ESRRG: variants seen among roughly 807,000 people sequenced by gnomAD.
ESRRG encodes estrogen related receptor gamma.
Under a neutral mutation model 44.0 loss-of-function variants are expected in ESRRG, and 13 were observed. That is an observed-to-expected ratio of 0.30 (90% CI 0.19 to 0.47). ESRRG has a LOEUF of 0.47. Among genes scored for constraint, ESRRG ranks in the 20% least tolerant of loss-of-function variants. The probability of loss-of-function intolerance (pLI) is 1.00; values close to 1 mark genes in which losing one functional copy is unlikely to be tolerated. For synonymous variants in ESRRG, 215 were observed against 214.6 expected (o/e 1.00, Z -0.02); for missense variants, 395 against 580.6 (o/e 0.68, Z 3.29).
chr1:216,940,995 A>C (rs945706020), intron 1 of ESRRG, among the ~76,000 whole-genome samples: 1 of 152,206 alleles, frequency 6.6e-6, no homozygotes, highest in African/African-American at 2.4e-5. Context: ...TTTCTAGTGT[A>C]GGCTGGAATT....
intron 2 of ESRRG, among the ~76,000 whole-genome samples, chr1:216,808,700 AG>A (rs2094876073): frequency 6.6e-6 from 1 of 152,166 alleles, no homozygotes; most frequent in Non-Finnish European, 1.5e-5. Flanking sequence ...CTGAGATTAC[AG>A]ACATGAACCA....
intron 2 of ESRRG, among the ~76,000 whole-genome samples, chr1:216,730,209 C>T (rs540239466): frequency 5.6e-4 from 84 of 150,156 alleles, no homozygotes; most frequent in South Asian, 3.1e-3. Context: ...TCTGAGGACA[C>T]GTGTCCAGTA....
Position 217,060,076 on chromosome 1 carries a change from A to C in ESRRG, c.-106+29431T>G, listed in dbSNP as rs149799506. Among the ~76,000 whole-genome samples the C allele has an allele frequency of 6.0e-4, 92 of 152,106 alleles. 1 individual carries two copies. The highest frequency in any genetic ancestry group is 2.0e-3 in the African/African-American group (83 of 41,510). On this transcript the variant is annotated intron_variant, in intron 1 of 7. Coordinates refer to the ESRRG transcript ENST00000359162. ...GGGTTTTGGGGGTGGCAAAAATTCT[A>C]TCTCTTGTCCTGGCCGGCATACAAT...
intron 1 of ESRRG, among the ~76,000 whole-genome samples, chr1:217,107,157 G>GA (rs1284847766): frequency 1.3e-5 from 2 of 151,974 alleles, no homozygotes; most frequent in Non-Finnish European, 2.9e-5. Context: ...AAATTTGAAA[G>GA]AAAAAAAGTG....
chr1:217,009,653 A>ATGTC (rs1019807030), intron 1 of ESRRG, among the ~76,000 whole-genome samples: 1 of 147,942 alleles, frequency 6.8e-6, no homozygotes, highest in Admixed American at 6.7e-5. Flanking sequence ...CTCTACATCC[A>ATGTC]TGTCTCCCAT....
At chr1:217,035,397 T>G (rs2082718751) in intron 1 of ESRRG, among the ~76,000 whole-genome samples, 1 of 151,490 alleles carries the variant, frequency 6.6e-6, no homozygotes, top group Non-Finnish European at 1.5e-5. Flanking sequence ...TTGTTGTTAC[T>G]GCTAGTCCTA....
intron 1 of ESRRG, among the ~76,000 whole-genome samples, chr1:217,107,508 G>A (rs570344516): frequency 6.6e-6 from 1 of 152,174 alleles, no homozygotes; most frequent in African/African-American, 2.4e-5. Flanking sequence ...GGGTTAGTTT[G>A]TGAAGTTTGT....
intron 1 of ESRRG, among the ~76,000 whole-genome samples, chr1:216,980,912 TTC>T (rs80110577): frequency 0.34 from 52,249 of 151,778 alleles, 10,601 homozygotes; most frequent in Non-Finnish European, 0.47. Flanking sequence ...TCATATGCTC[TTC>T]TCTCATCCTG....
intron 2 of ESRRG, among the ~76,000 whole-genome samples, chr1:216,893,052 C>A (rs2149417525): frequency 6.6e-6 from 1 of 152,296 alleles, no homozygotes; most frequent in East Asian, 1.9e-4. Flanking sequence ...GCTACCCTTC[C>A]AAACTTAGGT....
intron 2 of ESRRG, among the ~76,000 whole-genome samples, chr1:216,889,731 A>C (rs2057513482): frequency 6.6e-6 from 1 of 152,192 alleles, no homozygotes; most frequent in Non-Finnish European, 1.5e-5. Context: ...TGGGTAGGAC[A>C]TCTCACATAT....
chr1:216,583,595 T>C (rs1358383308), intron 3 of ESRRG, among the ~76,000 whole-genome samples: 3 of 152,126 alleles, frequency 2.0e-5, no homozygotes, highest in African/African-American at 7.2e-5. Flanking sequence ...TCTGGCTGAA[T>C]AAATGAAAGA....
At chr1:216,887,455 T>C (rs2057175479) in intron 2 of ESRRG, among the ~76,000 whole-genome samples, 2 of 152,164 alleles carry the variant, frequency 1.3e-5, no homozygotes, top group South Asian at 4.1e-4. Flanking sequence ...TCAAGAAAAA[T>C]AGGAAAATTT....
chr1:216,804,621 T>G (rs1245356816), intron 2 of ESRRG, among the ~76,000 whole-genome samples: 1 of 152,118 alleles, frequency 6.6e-6, no homozygotes, highest in African/African-American at 2.4e-5. Context: ...ATTTAATTGC[T>G]TGCTTCTGCT....
intron 1 of ESRRG, among the ~76,000 whole-genome samples, chr1:216,965,563 G>A (rs1001498385): frequency 2.0e-5 from 3 of 152,068 alleles, no homozygotes; most frequent in Admixed American, 6.5e-5. Context: ...GCCTATGCCC[G>A]TCTTCTAGGA....
At chr1:216,989,768 G>A (rs970921318) in intron 1 of ESRRG, among the ~76,000 whole-genome samples, 2 of 152,042 alleles carry the variant, frequency 1.3e-5, no homozygotes, top group Admixed American at 6.6e-5. Context: ...GTTTCCATGG[G>A]CTTCTACCTA....
At chr1:216,784,178 T>C (rs1371036524) in intron 2 of ESRRG, among the ~76,000 whole-genome samples, 3 of 152,060 alleles carry the variant, frequency 2.0e-5, no homozygotes, top group Non-Finnish European at 2.9e-5. Context: ...TTATGTCTTA[T>C]TTTTTCCTAT....
intron 1 of ESRRG, among the ~76,000 whole-genome samples, chr1:216,713,115 T>C (rs1472925492): frequency 6.6e-6 from 1 of 152,178 alleles, no homozygotes; most frequent in Non-Finnish European, 1.5e-5. Flanking sequence ...TCAATAGTAA[T>C]CCAAAATCAA....
intron 1 of ESRRG, among the ~76,000 whole-genome samples, chr1:217,074,333 A>G (rs1580414425): frequency 6.6e-6 from 1 of 151,334 alleles, no homozygotes; most frequent in African/African-American, 2.4e-5. Context: ...ACAGGCATGA[A>G]CCACCGCGCC....
intron 1 of ESRRG, among the ~76,000 whole-genome samples, chr1:216,967,938 A>G (rs1003552004): frequency 6.6e-6 from 1 of 152,188 alleles, no homozygotes; most frequent in African/African-American, 2.4e-5. Context: ...TGGCCATTCA[A>G]ATAAGTGTAC....
Sources: allele counts gnomAD v4.1 joint callset (sites outside exome capture counted in the v4.1 genomes callset), GRCh38; gene constraint gnomAD v4.1.1; transcripts MANE v1.5; gene names NCBI Gene and HGNC (gene_info 2026-07-23, HGNC 2026-07-21).